Variants in CEP63 observed in about 807,000 individuals in gnomAD.
CEP63 encodes centrosomal protein of 63 kDa.
CEP63 carries 84 observed loss-of-function variants against 89.1 expected under a neutral mutation model. That is an observed-to-expected ratio of 0.94 (90% confidence interval 0.79 to 1.13). CEP63 has a LOEUF of 1.13. Among genes scored for constraint, CEP63 ranks in the 50% most tolerant of loss-of-function variants. CEP63 has a pLI of 0.00. For synonymous variants in CEP63, 267 were observed against 272.5 expected (o/e 0.98, Z 0.20); for missense variants, 838 against 813.3 (o/e 1.03, Z -0.37).
chr3:134,703,295 CAAAA>C, the CEP63 span, among the ~76,000 whole-genome samples: 3 of 77,608 alleles, frequency 3.9e-5, no homozygotes, highest in Non-Finnish European at 5.2e-5. Context: ...GACTCCGTCT[CAAAA>C]AAAAAAAAAA....
At chr3:134,619,281 G>A in the CEP63 span, 2 of 1,595,116 alleles carry the variant, frequency 1.3e-6, no homozygotes, top group South Asian at 1.1e-5. Context: ...GGGCAGGTGA[G>A]GGGATCATGA....
chr3:134,682,039 G>A, the CEP63 span, among the ~76,000 whole-genome samples: 1 of 152,210 alleles, frequency 6.6e-6, no homozygotes. Flanking sequence ...TAGTTCTGCA[G>A]GCAGAGAGCA....
chr3:134,717,972 A>C, the CEP63 span, among the ~76,000 whole-genome samples: 713 of 152,272 alleles, frequency 4.7e-3, 3 homozygotes, highest in African/African-American at 0.016. Flanking sequence ...TTTACTGACA[A>C]GTTTCTATTC....
At chr3:134,521,062 TAAAG>T (rs1947330026) in intron 3 of CEP63, among the ~76,000 whole-genome samples, 2 of 151,934 alleles carry the variant, frequency 1.3e-5, no homozygotes, top group Non-Finnish European at 2.9e-5. Context: ...CAACAAAAGA[TAAAG>T]AACATCTATA....
At chr3:134,720,634 C>G in the CEP63 span, among the ~76,000 whole-genome samples, 114 of 152,120 alleles carry the variant, frequency 7.5e-4, 2 homozygotes, top group South Asian at 0.023. Context: ...ATCCATTGAT[C>G]CATTTTGAGT....
chr3:134,699,646 T>C, the CEP63 span, among the ~76,000 whole-genome samples: 5 of 152,214 alleles, frequency 3.3e-5, no homozygotes, highest in Non-Finnish European at 2.9e-5. Context: ...CACGGTTCTA[T>C]GTGGGAATGT....
chr3:134,710,493 A>G, the CEP63 span, among the ~76,000 whole-genome samples: 3 of 152,170 alleles, frequency 2.0e-5, no homozygotes, highest in Admixed American at 2.0e-4. Flanking sequence ...ATTTTCAAAA[A>G]CATGTTTTTA....
chr3:134,566,876 C>T (rs1309717237), downstream of CEP63, among the ~76,000 whole-genome samples: 4 of 152,106 alleles, frequency 2.6e-5, no homozygotes, highest in Non-Finnish European at 5.9e-5. Context: ...GGCAGTTCCT[C>T]AAAAAGAGTT....
At position 134,558,129 on chromosome 3, in the gene CEP63, T is replaced by A; in HGVS notation, c.1468-13T>A. 6.2e-7 allele frequency: 1 copy of A among 1,601,918 alleles called. No homozygotes were observed. The highest frequency in any genetic ancestry group is 8.6e-7 in the Non-Finnish European group (1 of 1,169,416). On this transcript the variant is annotated splice_polypyrimidine_tract_variant and intron_variant, in intron 12 of 14. Transcript: ENST00000675561. ...TGTACAGATTAAGTGACTCTAGTAT[T>A]CTTTTTTATTAGGCAAAAGAGATTT...
chr3:134,593,963 G>C, the CEP63 span, among the ~76,000 whole-genome samples: 1 of 152,158 alleles, frequency 6.6e-6, no homozygotes, highest in South Asian at 2.1e-4. Flanking sequence ...CAGTCCCTAG[G>C]GTGGGGCTAT....
At chr3:134,623,671 C>A in the CEP63 span, among the ~76,000 whole-genome samples, 1 of 152,090 alleles carries the variant, frequency 6.6e-6, no homozygotes, top group African/African-American at 2.4e-5. Context: ...GCTTGCTCTT[C>A]CACCCACCTG....
the CEP63 span, among the ~76,000 whole-genome samples, chr3:134,701,286 G>GTGTGTA: frequency 3.8e-5 from 2 of 52,734 alleles, no homozygotes; most frequent in African/African-American, 8.0e-5. Flanking sequence ...ACATATATAC[G>GTGTGTA]TATATATGTG....
chr3:134,621,278 A>G, the CEP63 span, among the ~76,000 whole-genome samples: 1 of 152,250 alleles, frequency 6.6e-6, no homozygotes, highest in Admixed American at 6.5e-5. Context: ...ATTTTGAAAA[A>G]AGAACACATT....
downstream of CEP63, among the ~76,000 whole-genome samples, chr3:134,565,797 G>C (rs1534028): frequency 0.66 from 99,616 of 151,260 alleles, 33,150 homozygotes; most frequent in East Asian, 0.81. Flanking sequence ...AAAAATCATA[G>C]ACTTAAGAAA....
the CEP63 span, among the ~76,000 whole-genome samples, chr3:134,619,754 T>TA: frequency 6.6e-6 from 1 of 152,208 alleles, no homozygotes; most frequent in Non-Finnish European, 1.5e-5. Flanking sequence ...GGTGAGGCCC[T>TA]AAGGCAGAAG....
chr3:134,575,693 C>T (rs941802073), downstream of CEP63, among the ~76,000 whole-genome samples: 3 of 151,942 alleles, frequency 2.0e-5, no homozygotes, highest in African/African-American at 7.3e-5. Flanking sequence ...CTCACTGCAG[C>T]TTAGGCATCC....
At chr3:134,713,587 C>T in the CEP63 span, among the ~76,000 whole-genome samples, 1 of 152,180 alleles carries the variant, frequency 6.6e-6, no homozygotes, top group East Asian at 1.9e-4. Flanking sequence ...ACCCATTGCA[C>T]AGCCACTCTA....
chr3:134,651,254 G>A, the CEP63 span: 2 of 1,219,840 alleles, frequency 1.6e-6, no homozygotes, highest in African/African-American at 3.2e-5. Flanking sequence ...GGGGCGGCCG[G>A]TCCAGAGCCT....
intron 1 of CEP63, among the ~76,000 whole-genome samples, chr3:134,490,519 T>A (rs1388032487): frequency 3.3e-5 from 5 of 152,192 alleles, no homozygotes; most frequent in Admixed American, 3.3e-4. Flanking sequence ...AAGTAATTTA[T>A]TGTATAGTTA....
Sources: gnomAD v4.1 joint callset for allele counts (sites outside exome capture counted in the v4.1 genomes callset) on GRCh38, gnomAD v4.1.1 for gene constraint, MANE v1.5 for transcripts, NCBI Gene and HGNC (gene_info 2026-07-23, HGNC 2026-07-21) for gene names.